The following ZNF133 variants were observed in gnomAD, a reference collection of about 807,000 sequenced individuals.
ZNF133 encodes the protein zinc finger protein 133 (clone pHZ-13).
In ZNF133, 26 loss-of-function variants were observed where a neutral mutation model predicts 54.9. The observed-to-expected ratio is 0.47, with a 90% CI of 0.35 to 0.66. The LOEUF is 0.66. Among genes scored for constraint, ZNF133 ranks in the 30% least tolerant of loss-of-function variants. The pLI is 0.01. For synonymous variants in ZNF133, 298 were observed against 320.3 expected (o/e 0.93, Z 0.74); for missense variants, 653 against 820.8 (o/e 0.80, Z 2.50).
intron 3 of ZNF133, among the ~76,000 whole-genome samples, chr20:18,298,830 C>A (rs1182955413): frequency 6.6e-6 from 1 of 152,064 alleles, no homozygotes; most frequent in African/African-American, 2.4e-5. Flanking sequence ...TATTGAAAAG[C>A]AACTGCATAT....
intron 1 of ZNF133, among the ~76,000 whole-genome samples, chr20:18,296,639 C>T (rs993615723): frequency 1.3e-5 from 2 of 152,140 alleles, no homozygotes; most frequent in African/African-American, 4.8e-5. Context: ...ATTGTATGTA[C>T]GTATCACTTT....
At chr20:18,314,847 G>T (rs1463360545) in intron 6 of ZNF133, 5 of 438,650 alleles carry the variant, frequency 1.1e-5, no homozygotes, top group South Asian at 7.6e-5. Flanking sequence ...AGGGATGCTT[G>T]TGTAGTCTTA....
intron 6 of ZNF133, chr20:18,306,734 C>T: frequency 7.4e-7 from 1 of 1,342,300 alleles, no homozygotes; most frequent in Non-Finnish European, 9.9e-7. Flanking sequence ...ACAACTGTGA[C>T]CTACAGAAAG....
chr20:18,306,225 T>A, intron 5 of ZNF133, 73 bp from the exon 6 acceptor site: 1 of 1,425,752 alleles, frequency 7.0e-7, no homozygotes, highest in South Asian at 1.2e-5. Context: ...TTTCCTAGGC[T>A]GTTTAGCTTT....
At chr20:18,297,328 C>CT in intron 1 of ZNF133, among the ~76,000 whole-genome samples, 1 of 151,926 alleles carries the variant, frequency 6.6e-6, no homozygotes, top group South Asian at 2.1e-4. Context: ...ATAATATTGT[C>CT]TTTTTCTTTG....
intron 1 of ZNF133, chr20:18,289,937 C>T (rs968979065): frequency 1.3e-5 from 2 of 152,178 alleles, no homozygotes; most frequent in African/African-American, 4.8e-5. Context: ...GAGGTACTGC[C>T]CTGCTGGAGA....
At chr20:18,309,470 T>C (rs1173418632) in intron 6 of ZNF133, among the ~76,000 whole-genome samples, 1 of 152,204 alleles carries the variant, frequency 6.6e-6, no homozygotes, top group East Asian at 1.9e-4. Context: ...CCCATGGTGC[T>C]TGAGCAAAGT....
rs118138622 is a variant in ZNF133, at chr20:18,314,907, C to T, written c.218-162C>T. 184 of 599,184 alleles carry T rather than the reference C, an allele frequency of 3.1e-4. 2 individuals are homozygous for T. In the East Asian group the frequency reaches 4.2e-3, roughly 14 times the overall value. The allele number at this position is 599,184 out of a possible 1,614,324, so 37.1% of individuals were successfully genotyped here. A position where few individuals can be genotyped will look rare whatever the true frequency, so the allele number is the denominator to read the frequency against. On this transcript the variant is annotated intron_variant, in intron 6 of 6. Coordinates refer to ENST00000425686, the MANE Select transcript of ZNF133 (RefSeq NM_001352452.2). ...GGGTTTTCTAGATTGTAATGCTAGA[C>T]GTAATAAGTAGCAGTAGGCTGGAGA...
intron 6 of ZNF133, chr20:18,306,823 T>C: frequency 8.6e-7 from 1 of 1,157,282 alleles, no homozygotes; most frequent in Non-Finnish European, 1.1e-6. Flanking sequence ...AACTGTGAGC[T>C]ATTCAAGAAT....
At chr20:18,307,404 T>A (rs1363041246) in intron 6 of ZNF133, among the ~76,000 whole-genome samples, 1 of 152,218 alleles carries the variant, frequency 6.6e-6, no homozygotes, top group Non-Finnish European at 1.5e-5. Context: ...GAATTCTACA[T>A]TGGTTATTTT....
chr20:18,306,435 A>C (rs2044614612), intron 6 of ZNF133, 42 bp downstream of exon 6: 2 of 1,586,762 alleles, frequency 1.3e-6, no homozygotes, highest in South Asian at 2.2e-5. Context: ...TGAGCTCAGC[A>C]GCTCAGAGGA....
intron 6 of ZNF133, among the ~76,000 whole-genome samples, chr20:18,307,977 G>C (rs906422809): frequency 2.0e-5 from 3 of 151,864 alleles, no homozygotes; most frequent in African/African-American, 7.3e-5. Context: ...TGTATACTAT[G>C]CAGTTGAGTT....
chr20:18,295,938 ACT>A (rs1181582421), intron 1 of ZNF133, among the ~76,000 whole-genome samples: 1 of 152,008 alleles, frequency 6.6e-6, no homozygotes, highest in East Asian at 1.9e-4. Flanking sequence ...CCCTTACCTC[ACT>A]GTGTTAAATA....
chr20:18,297,926 T>C, intron 1 of ZNF133, 59 bp from the exon 2 acceptor site: 1 of 1,155,310 alleles, frequency 8.7e-7, no homozygotes, highest in Non-Finnish European at 1.2e-6. Context: ...AGGCCCTGCT[T>C]CACTCATGGG....
intron 3 of ZNF133, among the ~76,000 whole-genome samples, chr20:18,300,182 C>T (rs1020615567): frequency 6.6e-5 from 10 of 152,060 alleles, no homozygotes; most frequent in African/African-American, 2.4e-4. Context: ...AATTTTGTGA[C>T]ATCAGTAATG....
Position 18,315,616 on chromosome 20 carries a change from G to A in ZNF133, c.765G>A (p.Lys255=), listed in dbSNP as rs1436403067. ...GVCEKGFSLK[K]SLARHQKAHS... is the part of the protein sequence containing the mutation. ...GTGAGAAGGGCTTCAGCCTAAAGAA[G>A]AGCCTCGCCAGACACCAGAAGGCAC... Residue 255 remains lysine (K), a synonymous_variant, in exon 7 of 7, where the codon AAG becomes AAA. Coordinates refer to ENST00000425686, the MANE Select transcript of ZNF133 (RefSeq NM_001352452.2). The A allele has an allele frequency of 1.2e-6, 2 of 1,613,476 alleles. No individual in the cohort carries two copies. The highest frequency in any genetic ancestry group is 1.7e-6 in the Non-Finnish European group (2 of 1,179,786).
Position 18,315,162 on chromosome 20 carries a change from C to T in ZNF133, c.311C>T (p.Pro104Leu). 1 of 1,610,862 alleles carries T rather than the reference C, an allele frequency of 6.2e-7. No homozygotes were observed. Among genetic ancestry groups the T allele is most frequent in the Non-Finnish European group, 8.5e-7 (1 of 1,177,962 alleles). The change falls in exon 7 of 7, where the codon CCC (proline) becomes CTC (leucine). Residue 104 changes from proline (P) to leucine (L), a missense_variant. Physicochemically the swap from Pro to Leu is moderately conservative, Grantham distance 98. Around this residue, in one of 4 missense-constraint regions of ZNF133, gnomAD observed 227 missense variants for 233.9 expected, o/e 0.97. Coordinates refer to ENST00000425686, the MANE Select transcript of ZNF133 (RefSeq NM_001352452.2). ...FPMQHVLCNH[P>L]PWIFTCLCAE... is the part of the protein sequence containing the mutation. ...ATGCAGCATGTGCTGTGTAATCATC[C>T]CCCCTGGATCTTCACATGCTTGTGT... is the stretch of plus-strand genomic sequence containing the variant.
In ZNF133 at chr20:18,315,165, C is replaced by G. The variant is rs1456566821; in HGVS notation, c.314C>G (p.Pro105Arg). Reference protein sequence around the residue: ...PMQHVLCNHPPWIFTCLCAEG... With the variant: ...PMQHVLCNHPRWIFTCLCAEG... The stretch of plus-strand genomic sequence containing the variant: ...CAGCATGTGCTGTGTAATCATCCCC[C>G]CTGGATCTTCACATGCTTGTGTGCA... The change falls in exon 7 of 7, where the codon CCC (proline) becomes CGC (arginine). Residue 105 changes from proline to arginine, a missense_variant. Physicochemically the swap from Pro to Arg is moderately radical, Grantham distance 103. Coordinates refer to ENST00000425686, the MANE Select transcript of ZNF133 (RefSeq NM_001352452.2). The G allele has an allele frequency of 1.1e-5, 17 of 1,612,286 alleles. No individual in the cohort carries two copies. Among genetic ancestry groups the G allele is most frequent in the African/African-American group, 1.3e-5 (1 of 74,854 alleles).
chr20:18,289,478 T>C (rs1159248191), intron 1 of ZNF133, among the ~76,000 whole-genome samples: 1 of 152,162 alleles, frequency 6.6e-6, no homozygotes, highest in Non-Finnish European at 1.5e-5. Context: ...CATCTCAGAA[T>C]GGACACAGAG....
Sources: allele counts gnomAD v4.1 joint callset (sites outside exome capture counted in the v4.1 genomes callset), GRCh38; gene constraint gnomAD v4.1.1; regional missense constraint gnomAD v4.1.1; transcripts MANE v1.5; gene names NCBI Gene and HGNC (gene_info 2026-07-23, HGNC 2026-07-21).